The following TMPRSS11B variants were observed in gnomAD, a reference collection of about 807,000 sequenced individuals.
TMPRSS11B encodes the protein transmembrane protease serine 11B.
Under a neutral mutation model 44.7 loss-of-function variants are expected in TMPRSS11B, and 53 were observed. That is an observed-to-expected ratio of 1.19 (90% CI 0.95 to 1.49). The LOEUF (loss-of-function observed/expected upper bound fraction) is 1.49, where lower values mean the gene tolerates loss of function less well. Ranked by LOEUF, TMPRSS11B falls within the 40% of genes most tolerant of loss-of-function variation. The pLI is 0.00. For synonymous variants in TMPRSS11B, 140 were observed against 159.2 expected, an observed-to-expected ratio of 0.88 and a Z score of 0.91; for missense variants, 526 against 494.8, an observed-to-expected ratio of 1.06 and a Z score of -0.60.
Position 68,241,787 on chromosome 4 carries a change from T to C in TMPRSS11B, c.26A>G (p.Gln9Arg). Reference protein sequence around the residue: MYRHGISSQRSWPLWTTIF... With the variant: MYRHGISSRRSWPLWTTIF... ...CGTAGTCCATAGTGGCCAAGATCTT[T>C]GGGAAGATATGCCGTGCCTATGAAA... is the stretch of plus-strand genomic sequence containing the variant. The change falls in exon 2 of 10, where the codon CAA becomes CGA. Residue 9 changes from glutamine (Q) to arginine (R), a missense_variant. Coordinates refer to ENST00000332644, the MANE Select transcript of TMPRSS11B (RefSeq NM_182502.3). 1.7e-5 allele frequency: 28 copies of C among 1,612,982 alleles called. No homozygotes were observed. The highest frequency in any genetic ancestry group is 2.4e-5 in the Non-Finnish European group (28 of 1,179,232).
At chr4:68,228,208 G>A in intron 9 of TMPRSS11B, 136 bp from the exon 10 acceptor site, 1 of 805,340 alleles carries the variant, frequency 1.2e-6, no homozygotes, top group East Asian at 2.8e-5. Context: ...AAACCCTTAG[G>A]ACTTTTTTTT....
chr4:68,230,553 C>T (rs1719478357), intron 7 of TMPRSS11B, among the ~76,000 whole-genome samples: 1 of 152,042 alleles, frequency 6.6e-6, no homozygotes, highest in Non-Finnish European at 1.5e-5. Context: ...CCTGTAATCC[C>T]AGCACTTTGG....
chr4:68,227,877 G>A lies in TMPRSS11B; in HGVS notation c.*34C>T, dbSNP rs1416315080. ...GCCACAGATAAGGATAGCCTACAGT[G>A]GTCTTTATGTTCCTTTGTATAATTC... is the stretch of plus-strand genomic sequence containing the variant. On this transcript the variant is annotated 3_prime_UTR_variant, in exon 10 of 10. Transcript: ENST00000332644. 1.3e-6 allele frequency: 2 copies of A among 1,540,974 alleles called. No individual in the cohort carries two copies. Among genetic ancestry groups the A allele is most frequent in the African/African-American group, 2.8e-5 (2 of 72,450 alleles).
intron 2 of TMPRSS11B, among the ~76,000 whole-genome samples, chr4:68,237,133 CCT>C (rs1414123011): frequency 6.6e-6 from 1 of 152,008 alleles, no homozygotes; most frequent in Non-Finnish European, 1.5e-5. Context: ...TGTTCCCCTC[CCT>C]GTGTCCATGT....
chr4:68,236,236 T>C lies in TMPRSS11B; in HGVS notation c.155A>G (p.His52Arg), dbSNP rs1378016370. 6.2e-6 allele frequency: 10 copies of C among 1,611,168 alleles called. No homozygotes were observed. The highest frequency in any genetic ancestry group is 1.1e-5 in the South Asian group (1 of 90,608). ...ATCATTGTATGTGACTCCAGAAATA[T>C]GAAAATCACCTTGATAATAGTAAGT... ...EKTYYYQGDFHISGVTYNDNC... is the reference protein window; with the variant it reads ...EKTYYYQGDFRISGVTYNDNC... The change falls in exon 3 of 10, where the codon CAT becomes CGT. Residue 52 changes from histidine (H) to arginine (R), a missense_variant. Transcript: ENST00000332644.
chr4:68,242,752 G>A (rs1247607194), intron 1 of TMPRSS11B, among the ~76,000 whole-genome samples: 3 of 151,608 alleles, frequency 2.0e-5, no homozygotes, highest in African/African-American at 7.3e-5. Context: ...TTGTAATAGA[G>A]TCAGTGGTCT....
intron 4 of TMPRSS11B, among the ~76,000 whole-genome samples, chr4:68,235,784 A>G (rs573198005): frequency 6.6e-6 from 1 of 152,226 alleles, no homozygotes; most frequent in East Asian, 1.9e-4. Flanking sequence ...CCCAGAACAG[A>G]AATTTGCTAG....
intron 2 of TMPRSS11B, among the ~76,000 whole-genome samples, chr4:68,236,498 T>C (rs1475450792): frequency 1.3e-5 from 2 of 152,130 alleles, no homozygotes; most frequent in African/African-American, 2.4e-5. Flanking sequence ...TTAGAAATAA[T>C]CCAAGGGAGG....
chr4:68,227,986 A>G lies in TMPRSS11B; in HGVS notation c.1176T>C (p.Gly392=). 1 of 1,613,954 alleles carries G rather than the reference A, an allele frequency of 6.2e-7. No individual in the cohort carries two copies. Among genetic ancestry groups the G allele is most frequent in the South Asian group, 1.1e-5 (1 of 91,060 alleles). ...TATAGACACCTGGCTTATTCTTTTT[A>G]CCACATCCATCACCCCAGCTTACTA... ...VGIVSWGDGC[G]KKNKPGVYTR... The change falls in exon 10 of 10, where the codon GGT becomes GGC. Residue 392 remains glycine, a synonymous_variant. Transcript: ENST00000332644.
At chr4:68,241,119 A>T (rs1458761465) in intron 2 of TMPRSS11B, among the ~76,000 whole-genome samples, 1 of 152,176 alleles carries the variant, frequency 6.6e-6, no homozygotes, top group Non-Finnish European at 1.5e-5. Context: ...ATTTTAAAAC[A>T]TTAAATAACT....
At chr4:68,241,829 C>G in intron 1 of TMPRSS11B, 25 bp from the exon 2 acceptor site, 1 of 1,398,464 alleles carries the variant, frequency 7.2e-7, no homozygotes, top group South Asian at 1.2e-5. Flanking sequence ...AATTTTGGTT[C>G]AAATCAGATA....
Position 68,245,498 on chromosome 4 carries a change from T to C in TMPRSS11B, c.8+53A>G, listed in dbSNP as rs997466004. On this transcript the variant is annotated intron_variant, in intron 1 of 9. Coordinates refer to ENST00000332644, the MANE Select transcript of TMPRSS11B (RefSeq NM_182502.3). ...TAACAAAAAACTAGAACATACTTAATGGCAACTTGCTACATTTTGCCAACT... is the reference window on the plus strand; with the variant it reads ...TAACAAAAAACTAGAACATACTTAACGGCAACTTGCTACATTTTGCCAACT... 4 of 1,592,646 alleles carry C rather than the reference T, an allele frequency of 2.5e-6. No individual in the cohort carries two copies. The African/African-American group carries it at 4.0e-5, about 16-fold the overall frequency.
In TMPRSS11B at chr4:68,242,239, T is replaced by TA. The variant is rs1560445398; in HGVS notation, c.9-436_9-435insT. ...ATAATATTATATTATATTATATATATTATATTATATATATTATAATATATA... is the reference window on the plus strand; with the variant it reads ...ATAATATTATATTATATTATATATATATATATTATATATATTATAATATATA... On this transcript the variant is annotated intron_variant, in intron 1 of 9. Transcript: ENST00000332644. 1.8e-3 allele frequency among the ~76,000 whole-genome samples: 151 copies of TA among 83,334 alleles called. 2 individuals are homozygous for TA. Among genetic ancestry groups the TA allele is most frequent in the African/African-American group, 8.0e-3 (143 of 17,874 alleles). 54.7% of individuals were successfully genotyped at this position (83,334 alleles called of 152,430 possible).
At chr4:68,241,353 G>T (rs1432384536) in intron 2 of TMPRSS11B, among the ~76,000 whole-genome samples, 1 of 152,044 alleles carries the variant, frequency 6.6e-6, no homozygotes, top group African/African-American at 2.4e-5. Context: ...GAACCAAGAA[G>T]AGAAGGAATC....
Position 68,227,715 on chromosome 4 carries a change from T to A in TMPRSS11B, c.*196A>T. 1 of 248,192 alleles carries A rather than the reference T, an allele frequency of 4.0e-6. No homozygotes were observed. The highest frequency in any genetic ancestry group is 6.9e-6 in the Non-Finnish European group (1 of 145,330). The allele number at this position is 248,192 out of a possible 1,614,324, so 15.4% of individuals were successfully genotyped here. ...AGCCACTACACCTGGCCTCTTCCTATCTCTTACATTAATTTAAAAGATTAA... is the reference window on the plus strand; with the variant it reads ...AGCCACTACACCTGGCCTCTTCCTAACTCTTACATTAATTTAAAAGATTAA... On this transcript the variant is annotated 3_prime_UTR_variant, in exon 10 of 10. Transcript: ENST00000332644.
chr4:68,243,393 T>C (rs9993614), intron 1 of TMPRSS11B, among the ~76,000 whole-genome samples: 3,098 of 152,246 alleles, frequency 0.02, 98 homozygotes, highest in African/African-American at 0.07. Context: ...TCCACCTAAA[T>C]TTGTTTCCTC....
chr4:68,230,712 G>A (rs1719486417), intron 7 of TMPRSS11B, among the ~76,000 whole-genome samples: 1 of 151,674 alleles, frequency 6.6e-6, no homozygotes, highest in African/African-American at 2.4e-5. Flanking sequence ...GCTGAGACAG[G>A]AGAATCGCTT....
At chr4:68,233,657 AT>A (rs2109958196) in intron 5 of TMPRSS11B, among the ~76,000 whole-genome samples, 1 of 152,226 alleles carries the variant, frequency 6.6e-6, no homozygotes. Flanking sequence ...AAAGATTTAA[AT>A]TTAAGTTCTC....
intron 1 of TMPRSS11B, among the ~76,000 whole-genome samples, chr4:68,245,100 C>T (rs1024601582): frequency 1.3e-5 from 2 of 152,056 alleles, no homozygotes; most frequent in African/African-American, 2.4e-5. Flanking sequence ...CTGCAGTTTG[C>T]CTGTTGCTAA....
Sources: allele counts gnomAD v4.1 joint callset (sites outside exome capture counted in the v4.1 genomes callset), GRCh38; gene constraint gnomAD v4.1.1; transcripts MANE v1.5; gene names NCBI Gene and HGNC (gene_info 2026-07-23, HGNC 2026-07-21).